The following NCAPG2 variants were observed in gnomAD, a reference collection of about 807,000 sequenced individuals.
The protein encoded by NCAPG2 is non-SMC condensin II complex subunit G2.
Under a neutral mutation model 141.1 loss-of-function variants are expected in NCAPG2, and 53 were observed. That is an observed-to-expected ratio of 0.38 (90% confidence interval 0.30 to 0.47). The LOEUF (loss-of-function observed/expected upper bound fraction) is 0.47. Ranked by LOEUF, NCAPG2 falls within the 20% of genes least tolerant of loss-of-function variation. The pLI, the probability that NCAPG2 is intolerant of heterozygous loss-of-function variation, is 0.99. For synonymous variants in NCAPG2, 499 were observed against 490.7 expected, an observed-to-expected ratio of 1.02 and a Z score of -0.22; for missense variants, 1,087 against 1,389.0, an observed-to-expected ratio of 0.78 and a Z score of 3.46.
chr7:158,697,646 AG>A (rs1278231515), intron 2 of NCAPG2, among the ~76,000 whole-genome samples: 1 of 152,072 alleles, frequency 6.6e-6, no homozygotes, highest in Non-Finnish European at 1.5e-5. Context: ...GCTATCAAAT[AG>A]GGGTATAAAG....
At chr7:158,650,292 G>A (rs1389508292) in intron 24 of NCAPG2, among the ~76,000 whole-genome samples, 2 of 152,102 alleles carry the variant, frequency 1.3e-5, no homozygotes, top group Non-Finnish European at 2.9e-5. Flanking sequence ...TGATCCACCT[G>A]CCTCCACCTC....
At chr7:158,689,238 A>G (rs1158581415) in intron 6 of NCAPG2, among the ~76,000 whole-genome samples, 2 of 152,370 alleles carry the variant, frequency 1.3e-5, no homozygotes, top group East Asian at 1.9e-4. Context: ...TATTAAGTAT[A>G]GAACAAAAAT....
intron 4 of NCAPG2, among the ~76,000 whole-genome samples, chr7:158,691,637 G>GT (rs1202800585): frequency 1.3e-5 from 2 of 152,126 alleles, no homozygotes. Context: ...TACATCTTTT[G>GT]TAACTAAAAT....
At chr7:158,692,664 C>T (rs754413934) in intron 4 of NCAPG2, among the ~76,000 whole-genome samples, 178 bp downstream of exon 4, 1 of 152,198 alleles carries the variant, frequency 6.6e-6, no homozygotes, top group Non-Finnish European at 1.5e-5. Context: ...TCGCTTGAAC[C>T]CGGGAGGCGG....
intron 1 of NCAPG2, among the ~76,000 whole-genome samples, chr7:158,704,197 GA>G (rs1836004923): frequency 6.9e-6 from 1 of 145,348 alleles, no homozygotes. Flanking sequence ...GCTCAGGACT[GA>G]GGGGGTCGCT....
At chr7:158,663,397 T>C (rs985074873) in intron 15 of NCAPG2, among the ~76,000 whole-genome samples, 2 of 152,248 alleles carry the variant, frequency 1.3e-5, no homozygotes, top group Non-Finnish European at 2.9e-5. Flanking sequence ...ATGTTTTTGG[T>C]AAGTGCCTTC....
intron 4 of NCAPG2, among the ~76,000 whole-genome samples, chr7:158,692,048 T>A (rs747591398): frequency 2.6e-5 from 4 of 152,224 alleles, no homozygotes; most frequent in Non-Finnish European, 5.9e-5. Flanking sequence ...CTCATGCCTG[T>A]AATCCCAGCA....
At chr7:158,677,313 C>A (rs1288174991) in intron 11 of NCAPG2, among the ~76,000 whole-genome samples, 1 of 151,954 alleles carries the variant, frequency 6.6e-6, no homozygotes, top group African/African-American at 2.4e-5. Flanking sequence ...CACCTGCCTG[C>A]CTGCTCTTCC....
chr7:158,700,983 C>G (rs12539199), intron 2 of NCAPG2, among the ~76,000 whole-genome samples: 83,167 of 151,988 alleles, frequency 0.55, 23,264 homozygotes, highest in Non-Finnish European at 0.6. Flanking sequence ...CAGCCCTTTC[C>G]CCTGGTATCC....
chr7:158,669,140 T>C (rs931280926), intron 13 of NCAPG2, among the ~76,000 whole-genome samples: 2 of 152,368 alleles, frequency 1.3e-5, no homozygotes, highest in African/African-American at 4.8e-5. Flanking sequence ...ATAGTATATA[T>C]GTACCACATT....
intron 16 of NCAPG2, among the ~76,000 whole-genome samples, chr7:158,661,840 C>T (rs1042689444): frequency 4.6e-5 from 7 of 152,222 alleles, no homozygotes; most frequent in African/African-American, 1.7e-4. Context: ...TAACTGCCCA[C>T]AGAACTTGAG....
chr7:158,673,999 T>C (rs1833905355), intron 12 of NCAPG2, among the ~76,000 whole-genome samples: 1 of 151,948 alleles, frequency 6.6e-6, no homozygotes, highest in Non-Finnish European at 1.5e-5. Context: ...AGACGCTTTA[T>C]AGTAGACTGG....
Position 158,683,345 on chromosome 7 carries a change from C to T in NCAPG2, c.879G>A (p.Gly293=). ...NDCIQDFMFH[G]IHLPRRSPVH... is the part of the protein sequence containing the mutation. ...CTGGAGACCTCCTCGGAAGGTGTAT[C>T]CCGTGGAACATGAAGTCCTGGATGC... Residue 293 remains glycine (G), a synonymous_variant, in exon 9 of 28, where the codon GGG becomes GGA. Coordinates refer to ENST00000356309, the MANE Select transcript of NCAPG2 (RefSeq NM_017760.7). 1 of 1,607,528 alleles carries T rather than the reference C, an allele frequency of 6.2e-7. No homozygotes were observed. Among genetic ancestry groups the T allele is most frequent in the Non-Finnish European group, 8.5e-7 (1 of 1,177,444 alleles).
intron 8 of NCAPG2, among the ~76,000 whole-genome samples, chr7:158,685,535 T>C (rs190387794): frequency 1.3e-5 from 2 of 152,340 alleles, no homozygotes; most frequent in East Asian, 1.9e-4. Flanking sequence ...AGTATCTGCA[T>C]ATAACCTATG....
chr7:158,656,280 T>G lies in NCAPG2; in HGVS notation c.2368A>C (p.Lys790Gln). Reference protein sequence around the residue: ...APRKKLNHLLKALETSKADLE... With the variant: ...APRKKLNHLLQALETSKADLE... ...GTTACCTTTGACGTTTCAAGGGCTT[T>G]CAAAAGATGGTTAAGTTTCTTCCGA... The change falls in exon 19 of 28, where the codon AAA becomes CAA. Residue 790 changes from lysine (K) to glutamine (Q), a missense_variant. By Grantham distance (53) the Lys-to-Gln change is moderately conservative (BLOSUM62 1). Coordinates refer to ENST00000356309, the MANE Select transcript of NCAPG2 (RefSeq NM_017760.7). The G allele has an allele frequency of 6.2e-7, 1 of 1,614,168 alleles. No individual in the cohort carries two copies. Among genetic ancestry groups the G allele is most frequent in the Non-Finnish European group, 8.5e-7 (1 of 1,180,024 alleles).
intron 19 of NCAPG2, 81 bp from the exon 20 acceptor site, chr7:158,655,536 A>G: frequency 8.2e-7 from 1 of 1,213,808 alleles, no homozygotes; most frequent in Non-Finnish European, 1.2e-6. Context: ...AATGGGAAGC[A>G]CCTGATCCTC....
At chr7:158,642,361 C>A (rs1830708562) in intron 27 of NCAPG2, among the ~76,000 whole-genome samples, 1 of 152,022 alleles carries the variant, frequency 6.6e-6, no homozygotes, top group Non-Finnish European at 1.5e-5. Context: ...CATAGTGAGA[C>A]CCCATCTCTG....
intron 11 of NCAPG2, among the ~76,000 whole-genome samples, chr7:158,678,971 C>T (rs1834274961): frequency 6.6e-6 from 1 of 152,124 alleles, no homozygotes; most frequent in South Asian, 2.1e-4. Flanking sequence ...GTAGCTGGGA[C>T]CACAGGCGTG....
intron 16 of NCAPG2, among the ~76,000 whole-genome samples, chr7:158,659,329 C>CAAAAAAAAAAAA (rs34735258): frequency 1.2e-5 from 1 of 85,730 alleles, no homozygotes; most frequent in African/African-American, 4.2e-5. Context: ...GACTCCATCT[C>CAAAAAAAAAAAA]AAAAAAAAAA....
Sources: allele counts gnomAD v4.1 joint callset (sites outside exome capture counted in the v4.1 genomes callset), GRCh38; gene constraint gnomAD v4.1.1; transcripts MANE v1.5; gene names NCBI Gene and HGNC (gene_info 2026-07-23, HGNC 2026-07-21).